The following ADCY9 variants were observed in gnomAD, a reference collection of about 807,000 sequenced individuals.
ADCY9 encodes the protein adenylate cyclase type 9.
A neutral mutation model predicts 101.5 loss-of-function variants in ADCY9; 50 were observed. The observed-to-expected ratio is 0.49, with a 90% CI of 0.39 to 0.62. The LOEUF (loss-of-function observed/expected upper bound fraction) is 0.62. Ranked by LOEUF, ADCY9 falls within the 20% of genes least tolerant of loss-of-function variation. The pLI is 0.00. For missense variants in ADCY9, 1,662 were observed against 1,800.4 expected (o/e 0.92, Z 1.39); for synonymous variants, 905 against 769.3 (o/e 1.18, Z -2.92).
downstream of ADCY9, among the ~76,000 whole-genome samples, chr16:3,958,178 T>A (rs377459276): frequency 6.6e-6 from 1 of 152,084 alleles, no homozygotes; most frequent in African/African-American, 2.4e-5. Context: ...CCCAAGCCAG[T>A]GTTTGTTCTG....
At chr16:3,954,396 T>C (rs1490497431) in intron 5 of ADCY9, among the ~76,000 whole-genome samples, 1 of 152,216 alleles carries the variant, frequency 6.6e-6, no homozygotes, top group Non-Finnish European at 1.5e-5. Context: ...CCTGGCGTGC[T>C]GCTGCTGGGC....
intron 6 of ADCY9, among the ~76,000 whole-genome samples, chr16:3,987,116 T>A (rs1161910934): frequency 6.6e-6 from 1 of 152,242 alleles, no homozygotes; most frequent in Admixed American, 6.5e-5. Context: ...CCACATTCCA[T>A]TAATTCCTAG....
chr16:4,095,635 A>G (rs1467737312), intron 2 of ADCY9, among the ~76,000 whole-genome samples: 2 of 152,048 alleles, frequency 1.3e-5, no homozygotes, highest in Non-Finnish European at 2.9e-5. Flanking sequence ...TTCACTTCAC[A>G]TTTTCTCCAA....
At chr16:3,999,950 T>G (rs2056318293) in intron 3 of ADCY9, among the ~76,000 whole-genome samples, 1 of 152,210 alleles carries the variant, frequency 6.6e-6, no homozygotes, top group Non-Finnish European at 1.5e-5. Context: ...AGCTGTCCCT[T>G]TTCAAAACTG....
intron 2 of ADCY9, among the ~76,000 whole-genome samples, chr16:4,078,618 A>G (rs1186300688): frequency 1.3e-5 from 2 of 151,818 alleles, no homozygotes; most frequent in Non-Finnish European, 2.9e-5. Context: ...ATAGGTTAAT[A>G]TTTTACATAG....
rs1419731377 is a variant in ADCY9 at position 3,963,335 on chromosome 16, A to C, written c.*2440T>G. 1 of 398,688 alleles carries C rather than the reference A, an allele frequency of 2.5e-6. No homozygotes were observed. The highest frequency in any genetic ancestry group is 4.4e-6 in the Non-Finnish European group (1 of 226,022). 24.7% of individuals were successfully genotyped at this position (398,688 alleles called of 1,614,324 possible). ...CTGCTTAGAAACTCGTGTCTCCAGC[A>C]CGATGTGCTCGCTGCCAACAGACAA... On this transcript the variant is annotated 3_prime_UTR_variant, in exon 11 of 11. Coordinates refer to ENST00000294016, the MANE Select transcript of ADCY9 (RefSeq NM_001116.4).
chr16:4,038,956 C>T (rs918377526), intron 2 of ADCY9, among the ~76,000 whole-genome samples: 5 of 152,136 alleles, frequency 3.3e-5, no homozygotes, highest in African/African-American at 1.2e-4. Context: ...ATAAGCCTTG[C>T]TCTGAAACTC....
intron 2 of ADCY9, among the ~76,000 whole-genome samples, chr16:4,072,534 C>T (rs1331144578): frequency 6.6e-6 from 1 of 152,186 alleles, no homozygotes; most frequent in African/African-American, 2.4e-5. Context: ...CTTCTCGCTG[C>T]AGCCCCAGTT....
intron 2 of ADCY9, among the ~76,000 whole-genome samples, chr16:4,087,545 A>T (rs1369668527): frequency 6.1e-5 from 2 of 32,948 alleles, no homozygotes; most frequent in South Asian, 8.4e-4. Flanking sequence ...CAAAAAGATA[A>T]AAAAAAAAAA....
intron 5 of ADCY9, among the ~76,000 whole-genome samples, chr16:3,954,310 GCT>G (rs1197763341): frequency 6.6e-6 from 1 of 152,208 alleles, no homozygotes; most frequent in Non-Finnish European, 1.5e-5. Flanking sequence ...CCTGTCCTCT[GCT>G]CTGTCCCTGC....
intron 2 of ADCY9, among the ~76,000 whole-genome samples, chr16:4,074,832 G>C (rs1416116402): frequency 6.6e-6 from 1 of 152,012 alleles, no homozygotes; most frequent in Non-Finnish European, 1.5e-5. Flanking sequence ...CAATTCAAAA[G>C]GTTGTTCTGA....
At chr16:3,962,646 T>A (rs1030830740), downstream of ADCY9, 5 of 152,172 alleles carry the variant, frequency 3.3e-5, no homozygotes, top group Non-Finnish European at 5.9e-5. Flanking sequence ...ACACCAGGCA[T>A]CATATATTTA....
intron 2 of ADCY9, among the ~76,000 whole-genome samples, chr16:4,012,738 TCA>T (rs2056412456): frequency 1.3e-5 from 2 of 152,206 alleles, no homozygotes; most frequent in Non-Finnish European, 2.9e-5. Flanking sequence ...AAGTATAGTG[TCA>T]CTTCTTTGAA....
chr16:3,996,806 A>G (rs776548623), intron 3 of ADCY9, among the ~76,000 whole-genome samples: 46 of 152,150 alleles, frequency 3.0e-4, no homozygotes, highest in Admixed American at 1.2e-3. Context: ...TCCTGGCGTC[A>G]GTCTGTTTCA....
At chr16:3,996,570 G>A (rs1055077502) in intron 3 of ADCY9, among the ~76,000 whole-genome samples, 7 of 152,188 alleles carry the variant, frequency 4.6e-5, no homozygotes, top group East Asian at 1.9e-4. Context: ...GGGCCCAACC[G>A]GTAGACCAGG....
chr16:4,094,276 C>T (rs1003548141), intron 2 of ADCY9, among the ~76,000 whole-genome samples: 1 of 152,174 alleles, frequency 6.6e-6, no homozygotes, highest in African/African-American at 2.4e-5. Flanking sequence ...GCAGCAGGTT[C>T]GGAATCACAC....
intron 2 of ADCY9, among the ~76,000 whole-genome samples, chr16:4,024,441 C>T (rs571502506): frequency 2.0e-5 from 3 of 152,294 alleles, no homozygotes; most frequent in South Asian, 2.1e-4. Flanking sequence ...TCTTATTGTA[C>T]GACGTCAAGC....
chr16:4,066,476 T>A (rs930076275), intron 2 of ADCY9, among the ~76,000 whole-genome samples: 1 of 152,126 alleles, frequency 6.6e-6, no homozygotes, highest in Non-Finnish European at 1.5e-5. Flanking sequence ...AGGCTCCACC[T>A]CTCAGGTTCA....
intron 2 of ADCY9, among the ~76,000 whole-genome samples, chr16:4,018,527 G>A (rs373917462): frequency 6.6e-6 from 1 of 151,998 alleles, no homozygotes; most frequent in African/African-American, 2.4e-5. Flanking sequence ...CTGAACATGC[G>A]TGACTAACCT....
Sources: gnomAD v4.1 joint callset for allele counts (sites outside exome capture counted in the v4.1 genomes callset) on GRCh38, gnomAD v4.1.1 for gene constraint, MANE v1.5 for transcripts, NCBI Gene and HGNC (gene_info 2026-07-23, HGNC 2026-07-21) for gene names.